The following FAM177A1 variants were observed in gnomAD, a reference collection of about 807,000 sequenced individuals.
The protein encoded by FAM177A1 is family with sequence similarity 177 member A1, also known as protein FAM177A1.
In FAM177A1, 22 loss-of-function variants were observed where a neutral mutation model predicts 26.1. The observed-to-expected ratio is 0.84, with a 90% CI of 0.60 to 1.20. The LOEUF is 1.20. FAM177A1 is among the 50% of genes most tolerant of loss of function. FAM177A1 has a pLI of 0.00. For synonymous variants in FAM177A1, 95 were observed against 99.3 expected, an observed-to-expected ratio of 0.96 and a Z score of 0.26; for missense variants, 296 against 291.1, an observed-to-expected ratio of 1.02 and a Z score of -0.12.
Position 35,053,585 on chromosome 14 carries a change from T to C in FAM177A1, c.339+134T>C. The C allele has an allele frequency of 7.7e-6, 6 of 780,016 alleles. No individual in the cohort carries two copies. In the South Asian group the frequency reaches 9.8e-5, roughly 13 times the overall value. The allele number at this position is 780,016 out of a possible 1,614,324, so 48.3% of individuals were successfully genotyped here. A position where few individuals can be genotyped will look rare whatever the true frequency, so the allele number is the denominator to read the frequency against. On this transcript the variant is annotated intron_variant, in intron 2 of 4. Coordinates refer to ENST00000280987, the MANE Select transcript of FAM177A1 (RefSeq NM_173607.5). ...CTTATTATAAAATTATGTATGGTGA[T>C]TTTGATAGAAAATAATATTTTTACA...
chr14:35,073,667 CA>C (rs1309024029), intron 2 of FAM177A1, among the ~76,000 whole-genome samples: 1 of 152,176 alleles, frequency 6.6e-6, no homozygotes, highest in Non-Finnish European at 1.5e-5. Flanking sequence ...TAGGCCTTGA[CA>C]AGTACAGACA....
At chr14:35,045,010 C>T (rs1392333422), upstream of FAM177A1, 2 of 152,114 alleles carry the variant, frequency 1.3e-5, no homozygotes, top group East Asian at 3.8e-4. Flanking sequence ...GATTGCCCTG[C>T]TTGCCAGTAA....
Position 35,070,114 on chromosome 14 carries a change from C to CAAAAAAAAAAAAA in FAM177A1, c.340-7012_340-7000dup, listed in dbSNP as rs746133319. 4.5e-4 allele frequency among the ~76,000 whole-genome samples: 24 copies of CAAAAAAAAAAAAA among 53,856 alleles called. 2 individuals carry two copies. Among genetic ancestry groups the CAAAAAAAAAAAAA allele is most frequent in the Admixed American group, 8.4e-4 (3 of 3,560 alleles). The allele number at this position is 53,856 out of a possible 152,430, so 35.3% of individuals were successfully genotyped here. A position where few individuals can be genotyped will look rare whatever the true frequency, so the allele number is the denominator to read the frequency against. On this transcript the variant is annotated intron_variant, in intron 2 of 4. Coordinates refer to ENST00000280987, the MANE Select transcript of FAM177A1 (RefSeq NM_173607.5). ...TGGGCGACAGAGTGAGACTCTGTCT[C>CAAAAAAAAAAAAA]AAAAAAAAAAAAAAAAAAAAAAAAA... is the stretch of plus-strand genomic sequence containing the variant.
At chr14:35,065,067 T>A (rs2045220666) in intron 2 of FAM177A1, among the ~76,000 whole-genome samples, 1 of 106,584 alleles carries the variant, frequency 9.4e-6, no homozygotes, top group Non-Finnish European at 2.1e-5. Flanking sequence ...GTCACCATAT[T>A]TTTTTTTGTT....
At chr14:35,072,849 A>AC (rs371152758) in intron 2 of FAM177A1, among the ~76,000 whole-genome samples, 4 of 150,138 alleles carry the variant, frequency 2.7e-5, no homozygotes, top group South Asian at 2.1e-4. Context: ...TCCACCCTCC[A>AC]CCCCCCCTTT....
At chr14:35,074,466 C>T (rs1225188110) in intron 2 of FAM177A1, among the ~76,000 whole-genome samples, 1 of 152,088 alleles carries the variant, frequency 6.6e-6, no homozygotes, top group East Asian at 1.9e-4. Flanking sequence ...GCTGGGATTA[C>T]AGGTGCACGC....
At chr14:35,058,401 A>G (rs2045095875) in intron 2 of FAM177A1, among the ~76,000 whole-genome samples, 3 of 152,178 alleles carry the variant, frequency 2.0e-5, no homozygotes, top group South Asian at 2.1e-4. Flanking sequence ...GCAGTCTTCA[A>G]CTATTATTGT....
intron 2 of FAM177A1, among the ~76,000 whole-genome samples, chr14:35,062,905 T>C (rs2045181206): frequency 6.9e-6 from 1 of 145,000 alleles, no homozygotes; most frequent in African/African-American, 2.5e-5. Flanking sequence ...TTACTTAAGG[T>C]AATTTTAGAA....
Position 35,053,467 on chromosome 14 carries a change from A to T in FAM177A1, c.339+16A>T, listed in dbSNP as rs2045010329. ...TGTTGATCCGGTAGGTTTGATATTGATGATTCTTTCCTCAGTGGGCTTTGT... is the reference window on the plus strand; with the variant it reads ...TGTTGATCCGGTAGGTTTGATATTGTTGATTCTTTCCTCAGTGGGCTTTGT... On this transcript the variant is annotated intron_variant, in intron 2 of 4. Coordinates refer to ENST00000280987, the MANE Select transcript of FAM177A1 (RefSeq NM_173607.5). 6.2e-7 allele frequency: 1 copy of T among 1,612,230 alleles called. No individual in the cohort carries two copies. The highest frequency in any genetic ancestry group is 1.1e-5 in the South Asian group (1 of 90,598).
In FAM177A1 at chr14:35,081,010, C is replaced by A. The variant is rs1235369566; in HGVS notation, c.505-12C>A. The A allele has an allele frequency of 1.9e-6, 3 of 1,590,350 alleles. No homozygotes were observed. Among genetic ancestry groups the A allele is most frequent in the African/African-American group, 1.4e-5 (1 of 73,608 alleles). ...TATTTCAACTATTCTTGATATTGCT[C>A]CTTTTTTTTAGGAAGAAGAAGAAGA... On this transcript the variant is annotated splice_polypyrimidine_tract_variant and intron_variant, in intron 4 of 4. Coordinates refer to ENST00000280987, the MANE Select transcript of FAM177A1 (RefSeq NM_173607.5).
intron 2 of FAM177A1, among the ~76,000 whole-genome samples, chr14:35,074,918 T>C (rs896117604): frequency 8.6e-5 from 13 of 151,880 alleles, no homozygotes. Context: ...ACGTCTGTAA[T>C]CCCAGCTACT....
intron 4 of FAM177A1, among the ~76,000 whole-genome samples, chr14:35,079,903 A>G (rs1001545919): frequency 6.6e-6 from 1 of 152,178 alleles, no homozygotes; most frequent in Non-Finnish European, 1.5e-5. Context: ...TGTGGGAGTG[A>G]CTGGACATGA....
chr14:35,060,414 AT>A (rs1303326345), intron 2 of FAM177A1, among the ~76,000 whole-genome samples: 5 of 150,540 alleles, frequency 3.3e-5, no homozygotes, highest in African/African-American at 4.9e-5. Context: ...AGCTATTTGA[AT>A]TTTTTTTTCT....
intron 2 of FAM177A1, among the ~76,000 whole-genome samples, chr14:35,061,504 G>GT (rs1237572953): frequency 1.6e-5 from 2 of 125,922 alleles, no homozygotes; most frequent in Admixed American, 1.7e-4. Flanking sequence ...ATGTCTATTT[G>GT]TTTTTTTCTC....
At chr14:35,074,477 C>G (rs1224477953) in intron 2 of FAM177A1, among the ~76,000 whole-genome samples, 2 of 152,016 alleles carry the variant, frequency 1.3e-5, no homozygotes, top group East Asian at 3.9e-4. Context: ...AGGTGCACGC[C>G]ACCATGCCTG....
intron 2 of FAM177A1, among the ~76,000 whole-genome samples, chr14:35,054,132 A>G (rs924483744): frequency 1.3e-5 from 2 of 152,164 alleles, no homozygotes; most frequent in African/African-American, 2.4e-5. Flanking sequence ...GGAGAATGGC[A>G]TGAACCCGGG....
In FAM177A1 at chr14:35,078,946, G is replaced by A. The variant is rs774072355; in HGVS notation, c.426G>A (p.Glu142=). The part of the protein sequence containing the change: ...STLSVCDFLG[E]KIASVLGIST... ...TTTCAGTGTGTGACTTCCTTGGAGA[G>A]AAGATTGCATCTGTTTTGGGTATCA... Residue 142 remains glutamate (E), a synonymous_variant, in exon 4 of 5, where the codon GAG becomes GAA. Transcript: ENST00000280987. 6.5e-7 allele frequency: 1 copy of A among 1,543,484 alleles called. No individual in the cohort carries two copies. The highest frequency in any genetic ancestry group is 1.4e-5 in the African/African-American group (1 of 69,910).
chr14:35,046,223 A>ACCCGCCCCGC (rs896418234), upstream of FAM177A1: 109 of 328,114 alleles, frequency 3.3e-4, no homozygotes, highest in African/African-American at 1.7e-3. Flanking sequence ...CCCCGCAAGG[A>ACCCGCCCCGC]CCCGCCCCGC....
intron 2 of FAM177A1, among the ~76,000 whole-genome samples, chr14:35,072,282 GGGAAA>G (rs1195854514): frequency 6.6e-6 from 1 of 151,802 alleles, no homozygotes; most frequent in Admixed American, 6.6e-5. Context: ...GAAAGGAAAG[GGGAAA>G]GGAAAGGAAA....
Sources: gnomAD v4.1 joint callset for allele counts (sites outside exome capture counted in the v4.1 genomes callset) on GRCh38, gnomAD v4.1.1 for gene constraint, MANE v1.5 for transcripts, NCBI Gene and HGNC (gene_info 2026-07-23, HGNC 2026-07-21) for gene names.